LSR: variants seen among roughly 807,000 people sequenced by gnomAD.
LSR encodes the protein lipolysis stimulated lipoprotein receptor, also known as lipolysis-stimulated lipoprotein receptor.
Under a neutral mutation model 61.8 loss-of-function variants are expected in LSR, and 44 were observed. The observed-to-expected ratio is 0.71, with a 90% CI of 0.56 to 0.91. The LOEUF (loss-of-function observed/expected upper bound fraction) is 0.91, where lower values mean the gene tolerates loss of function less well. LSR is among the 40% of genes least tolerant of loss of function. The pLI is 0.00. For missense variants in LSR, 911 were observed against 830.5 expected, an observed-to-expected ratio of 1.10 and a Z score of -1.19; for synonymous variants, 397 against 350.6, an observed-to-expected ratio of 1.13 and a Z score of -1.48.
chr19:35,249,712 A>G (rs919426208), intron 1 of LSR, among the ~76,000 whole-genome samples: 2 of 152,026 alleles, frequency 1.3e-5, no homozygotes, highest in Non-Finnish European at 2.9e-5. Flanking sequence ...TTTCACCTGG[A>G]TGGGATATTT....
Position 35,267,705 on chromosome 19 carries a change from CA to C in LSR, c.1742del (p.Gln581ArgfsTer14). ...GCCCCCGTACTCGGAGACCGACTCG[CA>C]GGCGTCCCGAGAGCGCAGGCTCAAG... ...APPPYSETDS[Q>X]ASRERRLKKN... is the part of the protein sequence containing the mutation. On this transcript the variant is annotated frameshift_variant, in exon 9 of 10. Coordinates refer to ENST00000605618, the MANE Select transcript of LSR (RefSeq NM_205834.4). LOFTEE classifies it high-confidence loss of function. 6.2e-7 allele frequency: 1 copy of C among 1,603,132 alleles called. No individual in the cohort carries two copies. The highest frequency in any genetic ancestry group is 8.5e-7 in the Non-Finnish European group (1 of 1,175,772).
At chr19:35,258,823 C>T (rs563704518) in intron 2 of LSR, 122 bp from the exon 3 acceptor site, 15 of 1,238,496 alleles carry the variant, frequency 1.2e-5, no homozygotes, top group Non-Finnish European at 9.4e-6. Flanking sequence ...ATTTGATCAT[C>T]TGCAGCCTGC....
At chr19:35,251,469 T>C (rs2065791988) in intron 2 of LSR, 1 of 152,234 alleles carries the variant, frequency 6.6e-6, no homozygotes, top group Non-Finnish European at 1.5e-5. Context: ...AGTAATTGAA[T>C]AGATTCTATC....
chr19:35,262,108 C>A, intron 4 of LSR, 127 bp downstream of exon 4: 1 of 881,556 alleles, frequency 1.1e-6, no homozygotes, highest in Non-Finnish European at 1.7e-6. Context: ...CTAACCTGGC[C>A]TGACTGTGGC....
At chr19:35,250,760 G>T in intron 2 of LSR, 101 bp downstream of exon 2, 1 of 848,152 alleles carries the variant, frequency 1.2e-6, no homozygotes, top group Non-Finnish European at 1.8e-6. Context: ...GCTCTTGAGT[G>T]CCAGTGTCTG....
At chr19:35,250,289 C>A in intron 1 of LSR, 26 bp from the exon 2 acceptor site, 1 of 1,474,890 alleles carries the variant, frequency 6.8e-7, no homozygotes, top group Non-Finnish European at 9.1e-7. Flanking sequence ...CACAGCAACC[C>A]TTGCTGTCTC....
At chr19:35,266,049 T>C (rs554912868) in intron 5 of LSR, among the ~76,000 whole-genome samples, 278 of 152,364 alleles carry the variant, frequency 1.8e-3, no homozygotes, top group African/African-American at 6.3e-3. Context: ...TTGACAAATG[T>C]TGGCGAATTA....
Position 35,267,199 on chromosome 19 carries a change from G to C in LSR, c.1235G>C (p.Trp412Ser), listed in dbSNP as rs750955408. 1.3e-6 allele frequency: 2 copies of C among 1,522,912 alleles called. No individual in the cohort carries two copies. The highest frequency in any genetic ancestry group is 2.6e-5 in the South Asian group (2 of 75,838). The allele number at this position is 1,522,912 out of a possible 1,614,324, so 94.3% of individuals were successfully genotyped here. The change falls in exon 9 of 10, where the codon TGG (tryptophan) becomes TCG (serine). Residue 412 changes from tryptophan (W) to serine (S), a missense_variant. Coordinates refer to ENST00000605618, the MANE Select transcript of LSR (RefSeq NM_205834.4). ...CTCACCCCGATCCGGGATGAGGAGT[G>C]GGGTGGCCACTCCCCCCGGAGTCCC... ...PALTPIRDEEWGGHSPRSPRG... is the reference protein window; with the variant it reads ...PALTPIRDEESGGHSPRSPRG...
chr19:35,261,588 C>G (rs2065929600), intron 3 of LSR, among the ~76,000 whole-genome samples: 1 of 152,152 alleles, frequency 6.6e-6, no homozygotes, highest in African/African-American at 2.4e-5. Flanking sequence ...CAGGACATCC[C>G]TATCACCGTG....
chr19:35,263,541 T>C (rs1436218523), intron 5 of LSR, among the ~76,000 whole-genome samples: 1 of 152,002 alleles, frequency 6.6e-6, no homozygotes, highest in East Asian at 1.9e-4. Context: ...TTTTTGTTTT[T>C]TGTAGAGACG....
At chr19:35,256,148 C>T (rs1452785438) in intron 2 of LSR, among the ~76,000 whole-genome samples, 1 of 151,788 alleles carries the variant, frequency 6.6e-6, no homozygotes. Flanking sequence ...GCAGGAGAAT[C>T]GCTTGAACCC....
At position 35,266,728 on chromosome 19, in the gene LSR, T is replaced by C; in HGVS notation, c.1002T>C (p.Ser334=). 3 of 1,608,984 alleles carry C rather than the reference T, an allele frequency of 1.9e-6. No individual in the cohort carries two copies. Among genetic ancestry groups the C allele is most frequent in the Non-Finnish European group, 2.5e-6 (3 of 1,177,998 alleles). Residue 334 remains serine, a synonymous_variant, in exon 7 of 10, where the codon AGT becomes AGC. Coordinates refer to ENST00000605618, the MANE Select transcript of LSR (RefSeq NM_205834.4). The stretch of plus-strand genomic sequence containing the variant: ...CCCTGCTTCGGGACACGGACAGCAG[T>C]GTGGCCTCTGGTGAGAATCCATCGT... The part of the protein sequence containing the change: ...YVPLLRDTDS[S]VASEVRSGYR...
At position 35,267,312 on chromosome 19, in the gene LSR, G is replaced by A. The variant is rs2066024583; in HGVS notation, c.1348G>A (p.Asp450Asn). The change falls in exon 9 of 10, where the codon GAC (aspartate) becomes AAC (asparagine). Residue 450 changes from aspartate to asparagine, a missense_variant. Asp to Asn is a conservative substitution (Grantham distance 23). Transcript: ENST00000605618. ...CCGGGCCCGCTCCGTGGACGCCCTG[G>A]ACGACCTCACCCCGCCGAGCACCGC... Reference protein sequence around the residue: ...RPRARSVDALDDLTPPSTAES... With the variant: ...RPRARSVDALNDLTPPSTAES... 2 of 1,553,696 alleles carry A rather than the reference G, an allele frequency of 1.3e-6. No individual in the cohort carries two copies. Among genetic ancestry groups the A allele is most frequent in the Non-Finnish European group, 1.7e-6 (2 of 1,149,586 alleles).
chr19:35,266,828 G>C lies in LSR; in HGVS notation c.1013-8G>C. ...CTCCCAAACCGACCACCACCCCCCT[G>C]TCCCTAGAAGTCCGCAGTGGCTACA... is the stretch of plus-strand genomic sequence containing the variant. On this transcript the variant is annotated splice_polypyrimidine_tract_variant and splice_region_variant and intron_variant, in intron 7 of 9. Transcript: ENST00000605618. 1 of 1,606,456 alleles carries C rather than the reference G, an allele frequency of 6.2e-7. No homozygotes were observed. The highest frequency in any genetic ancestry group is 8.5e-7 in the Non-Finnish European group (1 of 1,176,118).
chr19:35,261,313 G>C (rs1405726543), intron 3 of LSR, among the ~76,000 whole-genome samples: 1 of 152,186 alleles, frequency 6.6e-6, no homozygotes, highest in Non-Finnish European at 1.5e-5. Context: ...AAAAAAATGT[G>C]TGATTATGTT....
chr19:35,267,530 T>C lies in LSR; in HGVS notation c.1566T>C (p.Arg522=), dbSNP rs761595261. 3.1e-6 allele frequency: 5 copies of C among 1,612,076 alleles called. No homozygotes were observed. The highest frequency in any genetic ancestry group is 4.2e-6 in the Non-Finnish European group (5 of 1,179,722). Residue 522 remains arginine, a synonymous_variant, in exon 9 of 10, where the codon CGT becomes CGC. Transcript: ENST00000605618. ...PPADPRSHHH[R]TRDPRDNGSR... is the part of the protein sequence containing the mutation. ...CCGACCCCAGGTCCCACCACCACCG[T>C]ACCCGGGACCCTCGGGACAACGGCT...
Position 35,266,943 on chromosome 19 carries a change from C to A in LSR, c.1120C>A (p.Pro374Thr), listed in dbSNP as rs200067780. 1.9e-6 allele frequency: 3 copies of A among 1,613,356 alleles called. No homozygotes were observed. The Admixed American group carries it at 5.0e-5, about 27-fold the overall frequency. The change falls in exon 8 of 10, where the codon CCC becomes ACC. Residue 374 changes from proline to threonine, a missense_variant. Pro to Thr is a conservative substitution (Grantham distance 38). Coordinates refer to ENST00000605618, the MANE Select transcript of LSR (RefSeq NM_205834.4). ...CAACTTCGACCCTTCTCGACCTGGC[C>A]CCCCCAGTGGCCGTGTGGAGCGGGG... is the stretch of plus-strand genomic sequence containing the variant. ...LANFDPSRPG[P>T]PSGRVERAMS...
chr19:35,266,253 C>T (rs908646253), intron 5 of LSR, 106 bp from the exon 6 acceptor site: 7 of 856,034 alleles, frequency 8.2e-6, no homozygotes, highest in Admixed American at 2.4e-5. Context: ...GCGGAGAGGA[C>T]GGCTTGGGAA....
intron 2 of LSR, chr19:35,251,695 A>T (rs2065793931): frequency 6.6e-6 from 1 of 152,226 alleles, no homozygotes; most frequent in Non-Finnish European, 1.5e-5. Context: ...GTGACATGCC[A>T]GGAACTGCAC....
Sources: gnomAD v4.1 joint callset for allele counts (sites outside exome capture counted in the v4.1 genomes callset) on GRCh38, gnomAD v4.1.1 for gene constraint, MANE v1.5 for transcripts, NCBI Gene and HGNC (gene_info 2026-07-23, HGNC 2026-07-21) for gene names.